Variants in PCDHA13 observed in about 807,000 individuals in gnomAD.
PCDHA13 encodes protocadherin alpha 13.
In PCDHA13, 54 loss-of-function variants were observed where a neutral mutation model predicts 64.8. The ratio of observed to expected loss-of-function variants is 0.83; its 90% confidence interval spans 0.67 to 1.04. The LOEUF is 1.04. Ranked by LOEUF, PCDHA13 falls within the 50% of genes least tolerant of loss-of-function variation. The probability of loss-of-function intolerance (pLI) is 0.00; values close to 1 mark genes in which losing one functional copy is unlikely to be tolerated. For synonymous variants in PCDHA13, 587 were observed against 564.4 expected, an observed-to-expected ratio of 1.04 and a Z score of -0.57; for missense variants, 1,248 against 1,254.3, an observed-to-expected ratio of 0.99 and a Z score of 0.08.
At chr5:140,934,319 A>G (rs1292813425) in intron 1 of PCDHA13, among the ~76,000 whole-genome samples, 1 of 152,146 alleles carries the variant, frequency 6.6e-6, no homozygotes, top group Non-Finnish European at 1.5e-5. Context: ...CAAATGTCCA[A>G]TCATGAATGT....
intron 1 of PCDHA13, among the ~76,000 whole-genome samples, chr5:140,913,572 TCAAA>T (rs150264547): frequency 6.6e-6 from 1 of 152,264 alleles, no homozygotes; most frequent in East Asian, 1.9e-4. Context: ...TTTCATCATT[TCAAA>T]TATATTTCTG....
In PCDHA13 at chr5:141,010,432, C is replaced by T; in HGVS notation, c.*495C>T. On this transcript the variant is annotated 3_prime_UTR_variant, in exon 4 of 4. Coordinates refer to ENST00000289272, the MANE Select transcript of PCDHA13 (RefSeq NM_018904.3). The stretch of plus-strand genomic sequence containing the variant: ...AATTGGTACAAGGAAGGCAAGAAAA[C>T]AAAGACAAATAAACAGCGGAAGTTA... 1 of 1,056,970 alleles carries T rather than the reference C, an allele frequency of 9.5e-7. No individual in the cohort carries two copies. The highest frequency in any genetic ancestry group is 1.3e-6 in the Non-Finnish European group (1 of 756,282). 65.5% of individuals were successfully genotyped at this position (1,056,970 alleles called of 1,614,324 possible).
intron 1 of PCDHA13, among the ~76,000 whole-genome samples, chr5:140,885,639 A>C (rs782628776): frequency 6.6e-6 from 1 of 152,184 alleles, no homozygotes; most frequent in Non-Finnish European, 1.5e-5. Flanking sequence ...TTGCCTTCCA[A>C]GTATTTTGGA....
At chr5:140,928,374 C>A in intron 1 of PCDHA13, 1 of 1,614,172 alleles carries the variant, frequency 6.2e-7, no homozygotes, top group Non-Finnish European at 8.5e-7. Context: ...GGCCATCAGC[C>A]TCTAGCTTGC....
At chr5:140,976,688 G>T (rs1343503965) in intron 1 of PCDHA13, among the ~76,000 whole-genome samples, 2 of 152,118 alleles carry the variant, frequency 1.3e-5, no homozygotes, top group East Asian at 3.8e-4. Context: ...TGCAATTTAA[G>T]TACAATAATG....
In PCDHA13 at chr5:140,918,657, T is replaced by G. The variant is rs116489086; in HGVS notation, c.2394+33995T>G. Among the ~76,000 whole-genome samples, 1,219 of 152,370 alleles carry G rather than the reference T, an allele frequency of 8.0e-3. 6 individuals are homozygous for G. The highest frequency in any genetic ancestry group is 0.019 in the African/African-American group (787 of 41,596). ...CATAAATTGAAACCTAATTCTCATG[T>G]TGATGGTATGAAGAGGTGAGACCTT... On this transcript the variant is annotated intron_variant, in intron 1 of 3. Coordinates refer to ENST00000289272, the MANE Select transcript of PCDHA13 (RefSeq NM_018904.3).
chr5:140,978,702 T>G (rs1200035752), intron 1 of PCDHA13, among the ~76,000 whole-genome samples: 2 of 152,252 alleles, frequency 1.3e-5, no homozygotes, highest in Non-Finnish European at 2.9e-5. Context: ...AAGCCAAAGG[T>G]GGCCTTTACA....
chr5:141,000,689 A>G (rs1469257297), intron 3 of PCDHA13, among the ~76,000 whole-genome samples: 1 of 151,438 alleles, frequency 6.6e-6, no homozygotes, highest in African/African-American at 2.4e-5. Context: ...CTGCCTCCCA[A>G]AGTGCTGGGA....
intron 3 of PCDHA13, among the ~76,000 whole-genome samples, chr5:141,000,421 A>ATATT (rs1265241806): frequency 1.1e-4 from 3 of 27,978 alleles, no homozygotes; most frequent in Non-Finnish European, 1.7e-4. Flanking sequence ...ATATATATAT[A>ATATT]TTTTTTTTTT....
At position 140,997,702 on chromosome 5, in the gene PCDHA13, T is replaced by A. The variant is rs548432387; in HGVS notation, c.2543-11925T>A. Reference sequence around the variant, plus strand: ...TGTGTGTGTGTGTGTGTGTGTATGTTAACAAACACCTTTCTACGTCAGTAC... The same window carrying A: ...TGTGTGTGTGTGTGTGTGTGTATGTAAACAAACACCTTTCTACGTCAGTAC... On this transcript the variant is annotated intron_variant, in intron 3 of 3. Coordinates refer to ENST00000289272, the MANE Select transcript of PCDHA13 (RefSeq NM_018904.3). 1.4e-3 allele frequency among the ~76,000 whole-genome samples: 209 copies of A among 150,856 alleles called. 1 individual carries two copies. The highest frequency in any genetic ancestry group is 4.8e-3 in the African/African-American group (199 of 41,058).
In PCDHA13 at chr5:140,997,052, G is replaced by A. The variant is rs1410360967; in HGVS notation, c.2543-12575G>A. On this transcript the variant is annotated intron_variant, in intron 3 of 3. Transcript: ENST00000289272. ...AAATTAATGAACTTTACTTTTTAGAGCAGTTTTAGGTTCACAGGAAAGTTG... is the reference window on the plus strand; with the variant it reads ...AAATTAATGAACTTTACTTTTTAGAACAGTTTTAGGTTCACAGGAAAGTTG... Among the ~76,000 whole-genome samples, 5 of 152,148 alleles carry A rather than the reference G, an allele frequency of 3.3e-5. No homozygotes were observed. The East Asian group carries it at 9.6e-4, about 29-fold the overall frequency.
At chr5:140,920,842 A>G (rs1377558160) in intron 1 of PCDHA13, among the ~76,000 whole-genome samples, 1 of 127,576 alleles carries the variant, frequency 7.8e-6, no homozygotes, top group Non-Finnish European at 1.7e-5. Flanking sequence ...GACCAAATCT[A>G]AAAAAAAAAA....
intron 1 of PCDHA13, among the ~76,000 whole-genome samples, chr5:140,937,928 G>T (rs997116789): frequency 4.0e-5 from 6 of 148,604 alleles, no homozygotes; most frequent in Non-Finnish European, 8.9e-5. Context: ...AAAAAAAAAA[G>T]TTTAATTTGA....
intron 1 of PCDHA13, among the ~76,000 whole-genome samples, chr5:140,905,903 G>A (rs2072195312): frequency 6.6e-6 from 1 of 152,184 alleles, no homozygotes; most frequent in African/African-American, 2.4e-5. Flanking sequence ...AAGCTGAGGA[G>A]CAAGGAATCC....
rs199976895 is a variant in PCDHA13 at position 140,968,276 on chromosome 5, G to T, written c.2395-10673G>T. The T allele has an allele frequency of 9.2e-5, 148 of 1,613,952 alleles. No homozygotes were observed. Among genetic ancestry groups the T allele is most frequent in the Admixed American group, 5.5e-4 (33 of 60,008 alleles). On this transcript the variant is annotated intron_variant, in intron 1 of 3. Transcript: ENST00000289272. ...CCCAGATGAAAAGGAGAATGCAGAGGTGACCTACTCCCTTCTGGAGAGGGA... is the reference window on the plus strand; with the variant it reads ...CCCAGATGAAAAGGAGAATGCAGAGTTGACCTACTCCCTTCTGGAGAGGGA...
At chr5:140,929,038 C>T in intron 1 of PCDHA13, 2 of 1,614,158 alleles carry the variant, frequency 1.2e-6, no homozygotes, top group South Asian at 1.1e-5. Context: ...CTGTTGCGCT[C>T]AGAGCTGCTG....
intron 3 of PCDHA13, among the ~76,000 whole-genome samples, chr5:141,005,701 CAAAAAAAAAAAAAAAAAA>C (rs59860837): frequency 2.6e-4 from 2 of 7,786 alleles, no homozygotes; most frequent in Non-Finnish European, 5.4e-4. Flanking sequence ...AACTCCGTCT[CAAAAAAAAAAAAAAAAAA>C]AAAAAAAAAA....
intron 3 of PCDHA13, among the ~76,000 whole-genome samples, chr5:141,005,774 G>A (rs2098239231): frequency 1.4e-5 from 2 of 144,252 alleles, no homozygotes; most frequent in Non-Finnish European, 3.0e-5. Flanking sequence ...AACCAGATGT[G>A]TAAAGATCCT....
intron 1 of PCDHA13, among the ~76,000 whole-genome samples, chr5:140,940,295 G>A (rs1363509137): frequency 5.3e-5 from 8 of 152,110 alleles, no homozygotes; most frequent in Non-Finnish European, 1.0e-4. Flanking sequence ...TGCTTCATCA[G>A]TAATTTATTA....
Sources: allele counts gnomAD v4.1 joint callset (sites outside exome capture counted in the v4.1 genomes callset), GRCh38; gene constraint gnomAD v4.1.1; transcripts MANE v1.5; gene names NCBI Gene and HGNC (gene_info 2026-07-23, HGNC 2026-07-21).